The following COLEC11 variants were observed in gnomAD, a reference collection of about 807,000 sequenced individuals.
The protein encoded by COLEC11 is collectin-11.
COLEC11 carries 20 observed loss-of-function variants against 27.3 expected under a neutral mutation model. The observed-to-expected ratio is 0.73, with a 90% CI of 0.51 to 1.06. The LOEUF (loss-of-function observed/expected upper bound fraction) is 1.06, where lower values mean the gene tolerates loss of function less well. COLEC11 is among the 50% of genes least tolerant of loss of function. COLEC11 has a pLI of 0.00. For synonymous variants in COLEC11, 163 were observed against 154.7 expected, an observed-to-expected ratio of 1.05 and a Z score of -0.40; for missense variants, 310 against 383.0, an observed-to-expected ratio of 0.81 and a Z score of 1.59.
chr2:3,597,507 C>T (rs550236524), intron 1 of COLEC11, among the ~76,000 whole-genome samples: 1 of 152,322 alleles, frequency 6.6e-6, no homozygotes, highest in East Asian at 1.9e-4. Context: ...CTGCTCACTA[C>T]TCACCCCTTT....
chr2:3,639,643 C>T (rs1665699168), intron 4 of COLEC11, among the ~76,000 whole-genome samples: 1 of 152,180 alleles, frequency 6.6e-6, no homozygotes, highest in Non-Finnish European at 1.5e-5. Flanking sequence ...AGCTAGAAAG[C>T]CCTGTTGCCA....
chr2:3,641,104 G>A (rs1665828044), intron 5 of COLEC11: 2 of 486,862 alleles, frequency 4.1e-6, no homozygotes, highest in South Asian at 1.7e-5. Context: ...TAGACCCCAC[G>A]GTGGACACCC....
At chr2:3,618,662 A>G (rs1313084298) in intron 3 of COLEC11, among the ~76,000 whole-genome samples, 4 of 152,164 alleles carry the variant, frequency 2.6e-5, no homozygotes, top group African/African-American at 4.8e-5. Context: ...TTGGCTATAC[A>G]TGACCTTTTA....
chr2:3,625,780 C>T (rs371174462), intron 3 of COLEC11, among the ~76,000 whole-genome samples: 1 of 151,810 alleles, frequency 6.6e-6, no homozygotes, highest in South Asian at 2.1e-4. Context: ...TTACAGGCGC[C>T]CACCACCACG....
intron 4 of COLEC11, among the ~76,000 whole-genome samples, chr2:3,637,868 T>C (rs1323047798): frequency 4.6e-5 from 7 of 152,196 alleles, no homozygotes; most frequent in African/African-American, 2.4e-5. Flanking sequence ...CTGCAGCTAG[T>C]GTGCTTGGGC....
At chr2:3,622,388 C>T (rs530161955) in intron 3 of COLEC11, among the ~76,000 whole-genome samples, 15 of 152,084 alleles carry the variant, frequency 9.9e-5, no homozygotes, top group South Asian at 8.3e-4. Context: ...ATATCTTTGT[C>T]TTTTAACCTT....
In COLEC11 at chr2:3,644,151, ACATGTCC is replaced by A. The variant is rs1558524864; in HGVS notation, c.*35_*41del. 6.2e-7 allele frequency: 1 copy of A among 1,602,170 alleles called. No homozygotes were observed. The highest frequency in any genetic ancestry group is 2.2e-5 in the East Asian group (1 of 44,888). On this transcript the variant is annotated 3_prime_UTR_variant, in exon 7 of 7. Coordinates refer to ENST00000349077, the MANE Select transcript of COLEC11 (RefSeq NM_024027.5). ...GCTGGGGCTGCCCATTGGGGGCCCC[ACATGTCC>A]CTGCAGGGTTGGCAGGGACAGAGCC...
intron 3 of COLEC11, among the ~76,000 whole-genome samples, chr2:3,633,866 C>T (rs1208351723): frequency 1.3e-5 from 2 of 152,114 alleles, no homozygotes; most frequent in South Asian, 4.1e-4. Flanking sequence ...ACAGGAGGCC[C>T]GAGGAAGACA....
At chr2:3,617,096 T>A (rs1343283474) in intron 3 of COLEC11, among the ~76,000 whole-genome samples, 1 of 152,184 alleles carries the variant, frequency 6.6e-6, no homozygotes, top group African/African-American at 2.4e-5. Context: ...GTAGTGACAT[T>A]GTTGGATCAT....
At chr2:3,643,689 T>C in intron 6 of COLEC11, 38 bp from the exon 7 acceptor site, 2 of 1,613,204 alleles carry the variant, frequency 1.2e-6, no homozygotes, top group East Asian at 2.2e-5. Flanking sequence ...GTTGCACACA[T>C]ACAAGTGCTC....
Position 3,602,509 on chromosome 2 carries a change from T to C in COLEC11, c.-26-1806T>C, listed in dbSNP as rs1572384592. 6.6e-6 allele frequency among the ~76,000 whole-genome samples: 1 copy of C among 152,256 alleles called. No homozygotes were observed. Among genetic ancestry groups the C allele is most frequent in the South Asian group, 2.1e-4 (1 of 4,810 alleles). On this transcript the variant is annotated intron_variant, in intron 1 of 6. Coordinates refer to ENST00000349077, the MANE Select transcript of COLEC11 (RefSeq NM_024027.5). This position sits in a 1 kb window ranked among gnomAD's most constrained non-coding sequence, Gnocchi z 6.2. ...AGCTTTGCTTCCAGACTGCATCCCA[T>C]ACCTCTGTCATCACCTCCACCCACA...
In COLEC11 at chr2:3,605,149, C is replaced by T. The variant is rs534447765; in HGVS notation, c.130+679C>T. 3.6e-3 allele frequency: 1,652 copies of T among 463,290 alleles called. 37 individuals carry two copies. The highest frequency in any genetic ancestry group is 0.017 in the South Asian group (1,100 of 63,688). The allele number at this position is 463,290 out of a possible 1,614,324, so 28.7% of individuals were successfully genotyped here. The stretch of plus-strand genomic sequence containing the variant: ...ACAGGTCCCCAAGCCTGGGGGAGCC[C>T]GGTGTGAAATGAAAATGTGGGCCCC... On this transcript the variant is annotated intron_variant, in intron 2 of 6. Transcript: ENST00000349077.
intron 3 of COLEC11, among the ~76,000 whole-genome samples, chr2:3,614,737 G>T (rs1349913535): frequency 6.6e-6 from 1 of 152,142 alleles, no homozygotes; most frequent in African/African-American, 2.4e-5. Context: ...GAAAGGACAT[G>T]AGTATCTAGA....
intron 3 of COLEC11, among the ~76,000 whole-genome samples, chr2:3,623,650 CT>C (rs200259219): frequency 6.6e-6 from 1 of 151,494 alleles, no homozygotes; most frequent in Non-Finnish European, 1.5e-5. Flanking sequence ...CTGTTTGGTT[CT>C]TTTTTTAAAA....
chr2:3,604,513 G>A (rs200072027), intron 2 of COLEC11, 43 bp downstream of exon 2: 33 of 1,607,594 alleles, frequency 2.1e-5, no homozygotes, highest in Non-Finnish European at 2.3e-5. Flanking sequence ...AGTGGCCTCC[G>A]GGCCAGCTGA....
At chr2:3,637,635 C>T (rs918910039) in intron 4 of COLEC11, 31 bp downstream of exon 4, 26 of 1,564,766 alleles carry the variant, frequency 1.7e-5, no homozygotes, top group Non-Finnish European at 2.3e-5. Context: ...GCCTCATTTC[C>T]CCCCTGCCCC....
rs1414125560 is a variant in COLEC11 at position 3,644,611 on chromosome 2, T to G, written c.*493T>G. 2.8e-6 allele frequency: 1 copy of G among 363,066 alleles called. No homozygotes were observed. The highest frequency in any genetic ancestry group is 7.3e-5 in the East Asian group (1 of 13,654). 22.5% of individuals were successfully genotyped at this position (363,066 alleles called of 1,614,324 possible). ...TTTTGCTTTGCTTCAAACCCAGATT[T>G]CAGGAAAACAACAACAAAATTCTCC... On this transcript the variant is annotated 3_prime_UTR_variant, in exon 7 of 7. Coordinates refer to ENST00000349077, the MANE Select transcript of COLEC11 (RefSeq NM_024027.5).
intron 5 of COLEC11, 75 bp downstream of exon 5, chr2:3,640,406 C>T (rs1477407236): frequency 2.4e-6 from 2 of 840,092 alleles, no homozygotes; most frequent in African/African-American, 1.7e-5. Flanking sequence ...TGTAGATCTA[C>T]ACCATGTAGA....
chr2:3,605,237 G>A, intron 2 of COLEC11: 1 of 400,774 alleles, frequency 2.5e-6, no homozygotes, highest in Non-Finnish European at 5.1e-6. Flanking sequence ...GGGTGGCAGG[G>A]CCGGGGCTGC....
Sources: gnomAD v4.1 joint callset for allele counts (sites outside exome capture counted in the v4.1 genomes callset) on GRCh38, gnomAD v4.1.1 for gene constraint, Gnocchi (gnomAD v3.1) non-coding constraint, MANE v1.5 for transcripts, NCBI Gene and HGNC (gene_info 2026-07-23, HGNC 2026-07-21) for gene names.